The following GARIN1B variants were observed in gnomAD, a reference collection of about 807,000 sequenced individuals.
GARIN1B encodes Golgi-associated RAB2 interactor protein 1B.
the GARIN1B span, among the ~76,000 whole-genome samples, chr7:128,719,846 C>G: frequency 6.6e-6 from 1 of 150,514 alleles, no homozygotes; most frequent in Non-Finnish European, 1.5e-5. Flanking sequence ...ATTACAGGCA[C>G]GCACCACCAT....
the GARIN1B span, among the ~76,000 whole-genome samples, chr7:128,712,437 C>T: frequency 1.3e-5 from 2 of 152,190 alleles, no homozygotes; most frequent in African/African-American, 4.8e-5. Flanking sequence ...TTCATCTTCC[C>T]TAACTGAAAC....
the GARIN1B span, among the ~76,000 whole-genome samples, chr7:128,711,658 G>GACAC: frequency 0.011 from 1,528 of 144,944 alleles, 19 homozygotes; most frequent in African/African-American, 0.029. Flanking sequence ...TGGTTTTACA[G>GACAC]ACACACACAC....
chr7:128,729,954 G>T, the GARIN1B span: 119 of 1,614,046 alleles, frequency 7.4e-5, no homozygotes, highest in Non-Finnish European at 9.5e-5. Context: ...ACCTACGTTG[G>T]AGGGCTTCAT....
chr7:128,726,973 G>A, the GARIN1B span: 1 of 1,018,580 alleles, frequency 9.8e-7, no homozygotes, highest in Non-Finnish European at 1.5e-6. Context: ...GGTGCTGTCA[G>A]TATTGCCATT....
the GARIN1B span, chr7:128,717,035 G>T: frequency 6.5e-7 from 1 of 1,545,770 alleles, no homozygotes; most frequent in Non-Finnish European, 8.8e-7. Flanking sequence ...CAAGAGGGGT[G>T]AGGGGTGGAT....
the GARIN1B span, chr7:128,725,050 C>T: frequency 3.6e-6 from 1 of 274,908 alleles, no homozygotes; most frequent in Non-Finnish European, 6.5e-6. Context: ...TAGAATGCTA[C>T]TCAGCAGATT....
chr7:128,723,235 G>C, the GARIN1B span: 2 of 1,612,934 alleles, frequency 1.2e-6, no homozygotes, highest in Non-Finnish European at 1.7e-6. Flanking sequence ...AGCCCAGCGA[G>C]AGTCTCATTC....
the GARIN1B span, among the ~76,000 whole-genome samples, chr7:128,716,312 G>T: frequency 1.3e-5 from 2 of 152,162 alleles, no homozygotes; most frequent in East Asian, 3.9e-4. Context: ...AGTTAGAGAG[G>T]ACCTTCCTGT....
At chr7:128,728,411 C>T in the GARIN1B span, among the ~76,000 whole-genome samples, 4 of 151,002 alleles carry the variant, frequency 2.6e-5, no homozygotes, top group Admixed American at 2.0e-4. Flanking sequence ...CCACTGCACT[C>T]CAGCCTGGTG....
At chr7:128,719,117 G>A in the GARIN1B span, 1 of 1,603,010 alleles carries the variant, frequency 6.2e-7, no homozygotes. Flanking sequence ...TGCAGTCAAG[G>A]CCAAAGCAGC....
the GARIN1B span, chr7:128,715,499 G>A: frequency 3.1e-6 from 5 of 1,614,134 alleles, no homozygotes; most frequent in African/African-American, 2.7e-5. Flanking sequence ...GACAGTAAAA[G>A]TCACAAGATC....
the GARIN1B span, chr7:128,716,819 A>G: frequency 1.2e-6 from 2 of 1,605,798 alleles, no homozygotes; most frequent in Non-Finnish European, 1.7e-6. Flanking sequence ...GCAGGTCAAA[A>G]GGGGCAGGAA....
At chr7:128,709,131 C>T in the GARIN1B span, 3 of 152,302 alleles carry the variant, frequency 2.0e-5, no homozygotes, top group Non-Finnish European at 4.4e-5. Flanking sequence ...ACCTGAGGAC[C>T]CAGAGCTCAA....
the GARIN1B span, among the ~76,000 whole-genome samples, chr7:128,720,203 CTTTT>C: frequency 1.4e-5 from 2 of 139,270 alleles, no homozygotes; most frequent in African/African-American, 5.3e-5. Context: ...TTTCCTTCTT[CTTTT>C]TTTTTTTTTT....
chr7:128,710,690 C>CT, the GARIN1B span, among the ~76,000 whole-genome samples: 33,828 of 146,154 alleles, frequency 0.23, 4,719 homozygotes, highest in East Asian at 0.61. Flanking sequence ...TTTTCTTTTC[C>CT]TTTTTTTTTT....
the GARIN1B span, chr7:128,715,256 C>A: frequency 7.0e-7 from 1 of 1,426,352 alleles, no homozygotes; most frequent in Non-Finnish European, 9.1e-7. Flanking sequence ...CACAAGCTCT[C>A]TGGAGGAAAA....
the GARIN1B span, chr7:128,715,078 A>C: frequency 6.0e-6 from 1 of 166,280 alleles, no homozygotes; most frequent in African/African-American, 2.4e-5. Context: ...AGAGTAAGGA[A>C]GGGTTGAAAG....
At chr7:128,731,733 C>T in the GARIN1B span, 1 of 154,432 alleles carries the variant, frequency 6.5e-6, no homozygotes, top group African/African-American at 2.4e-5. Context: ...ATTAAAGCTT[C>T]ATTCCTTCTT....
the GARIN1B span, among the ~76,000 whole-genome samples, chr7:128,722,791 G>A: frequency 1.3e-5 from 2 of 151,676 alleles, no homozygotes; most frequent in South Asian, 4.2e-4. Context: ...CTATAAGAGC[G>A]AGACTCTGCC....
Sources: allele counts gnomAD v4.1 joint callset (sites outside exome capture counted in the v4.1 genomes callset), GRCh38; gene constraint gnomAD v4.1.1; transcripts MANE v1.5; gene names NCBI Gene and HGNC (gene_info 2026-07-23, HGNC 2026-07-21).